DCAF6: variants seen among roughly 807,000 people sequenced by gnomAD.
The protein encoded by DCAF6 is DDB1 and CUL4 associated factor 6.
A neutral mutation model predicts 125.1 loss-of-function variants in DCAF6; 54 were observed. The ratio of observed to expected loss-of-function variants is 0.43; its 90% CI spans 0.35 to 0.54. The LOEUF (loss-of-function observed/expected upper bound fraction) is 0.54. Among genes scored for constraint, DCAF6 ranks in the 20% least tolerant of loss-of-function variants. The pLI, the probability that DCAF6 is intolerant of heterozygous loss-of-function variation, is 0.01. For missense variants in DCAF6, 934 were observed against 1,161.7 expected (o/e 0.80, Z 2.85); for synonymous variants, 371 against 390.4 (o/e 0.95, Z 0.58).
the DCAF6 span, among the ~76,000 whole-genome samples, chr1:167,916,509 G>T: frequency 0.016 from 2,442 of 152,222 alleles, 55 homozygotes; most frequent in African/African-American, 0.052. Flanking sequence ...ACCTGGCCAA[G>T]ATTTAATTTT....
At chr1:168,042,402 C>T (rs930601571) in intron 13 of DCAF6, among the ~76,000 whole-genome samples, 3 of 151,896 alleles carry the variant, frequency 2.0e-5, no homozygotes, top group Admixed American at 6.6e-5. Context: ...AAATTGGCCT[C>T]GTATTCCGCT....
intron 21 of DCAF6, among the ~76,000 whole-genome samples, chr1:168,070,916 A>G (rs1399226885): frequency 6.6e-6 from 1 of 152,142 alleles, no homozygotes; most frequent in Non-Finnish European, 1.5e-5. Context: ...ACCCTGCATT[A>G]TCTCTTGACA....
At chr1:167,932,823 A>AAAAG (rs1553201575), upstream of DCAF6, among the ~76,000 whole-genome samples, 674 of 150,690 alleles carry the variant, frequency 4.5e-3, 6 homozygotes, top group African/African-American at 0.016. Flanking sequence ...AAAAAAAAAA[A>AAAAG]AAAAGAAAAG....
chr1:167,866,104 T>TC, the DCAF6 span, among the ~76,000 whole-genome samples: 1 of 152,184 alleles, frequency 6.6e-6, no homozygotes. Flanking sequence ...CCCTTGTTCA[T>TC]CCCCAAGCGG....
chr1:167,929,356 T>C, the DCAF6 span, among the ~76,000 whole-genome samples: 1 of 151,500 alleles, frequency 6.6e-6, no homozygotes, highest in African/African-American at 2.4e-5. Context: ...CGAAACTCCG[T>C]CTCGAAAAAA....
At chr1:168,036,085 A>G (rs1025483626) in intron 12 of DCAF6, among the ~76,000 whole-genome samples, 1 of 152,122 alleles carries the variant, frequency 6.6e-6, no homozygotes, top group Non-Finnish European at 1.5e-5. Context: ...ACAAAACAAA[A>G]CAAAAAAACT....
chr1:167,952,065 A>T (rs1674036377), intron 2 of DCAF6, among the ~76,000 whole-genome samples: 1 of 152,236 alleles, frequency 6.6e-6, no homozygotes, highest in Non-Finnish European at 1.5e-5. Flanking sequence ...TTCTAATATT[A>T]TCGAAAGGCT....
rs1292400934 is a variant in DCAF6, at chr1:167,967,100, T to A, written c.252+379T>A. ...TATCTTAACATTCTAAAAAGTTACT[T>A]ATTTTAATGTTAAGAATAGTGTGGG... On this transcript the variant is annotated intron_variant, in intron 3 of 21. Transcript: ENST00000367840. Among the ~76,000 whole-genome samples the A allele has an allele frequency of 2.0e-5, 3 of 152,198 alleles. No individual in the cohort carries two copies. In the East Asian group the frequency reaches 5.8e-4, roughly 29 times the overall value.
chr1:167,931,409 C>T (rs150772681), upstream of DCAF6, among the ~76,000 whole-genome samples: 254 of 152,210 alleles, frequency 1.7e-3, no homozygotes, highest in Admixed American at 4.3e-3. Context: ...TTCTATTTTT[C>T]ACCAATATTT....
chr1:168,048,791 A>C lies in DCAF6; in HGVS notation c.2259-2101A>C, dbSNP rs190698207. Reference sequence around the variant, plus strand: ...ATGGAGACCATTATGGTAGGTACTTATATGACCATTTAAAATATTAACATT... The same window carrying C: ...ATGGAGACCATTATGGTAGGTACTTCTATGACCATTTAAAATATTAACATT... On this transcript the variant is annotated intron_variant, in intron 16 of 21. Transcript: ENST00000367840. Among the ~76,000 whole-genome samples, 193 of 152,356 alleles carry C rather than the reference A, an allele frequency of 1.3e-3. 2 individuals are homozygous for C. The highest frequency in any genetic ancestry group is 3.4e-3 in the Middle Eastern group (1 of 294).
intron 2 of DCAF6, 54 bp from the exon 3 acceptor site, chr1:167,966,575 C>T (rs1676454968): frequency 8.8e-7 from 1 of 1,130,544 alleles, no homozygotes; most frequent in African/African-American, 1.5e-5. Context: ...TGAAAGATGG[C>T]ATATTTTCTT....
At chr1:168,024,385 G>T (rs189386007) in intron 12 of DCAF6, among the ~76,000 whole-genome samples, 17 of 152,264 alleles carry the variant, frequency 1.1e-4, no homozygotes, top group African/African-American at 3.9e-4. Flanking sequence ...TAGTAATGCA[G>T]AAATTAAATA....
chr1:168,056,184 C>T (rs1690744151), intron 17 of DCAF6: 1 of 1,609,502 alleles, frequency 6.2e-7, no homozygotes, highest in Middle Eastern at 1.7e-4. Flanking sequence ...AACAACATCT[C>T]CCAACGCTTC....
Position 167,966,639 on chromosome 1 carries a change from T to C in DCAF6, c.170T>C (p.Ile57Thr). The stretch of plus-strand genomic sequence containing the variant: ...TTGCTTTCTCTTTAGGTTAATACAA[T>C]CTGTTGGAATGACACTGGAGAATAT... Reference protein sequence around the residue: ...LNVHDGCVNTICWNDTGEYIL... With the variant: ...LNVHDGCVNTTCWNDTGEYIL... The change falls in exon 3 of 22, where the codon ATC becomes ACC. Residue 57 changes from isoleucine (I) to threonine (T), a missense_variant. By Grantham distance (89) the Ile-to-Thr change is moderately conservative (BLOSUM62 -1). Transcript: ENST00000367840. 2 of 1,591,278 alleles carry C rather than the reference T, an allele frequency of 1.3e-6. No individual in the cohort carries two copies. Among genetic ancestry groups the C allele is most frequent in the Non-Finnish European group, 1.7e-6 (2 of 1,162,222 alleles).
the DCAF6 span, chr1:167,880,435 TA>T: frequency 5.5e-6 from 7 of 1,272,284 alleles, no homozygotes; most frequent in Admixed American, 1.2e-4. Context: ...ATGCCCTCCC[TA>T]CTTATGCCTC....
chr1:167,980,916 C>CTTTT (rs71100920), intron 4 of DCAF6, among the ~76,000 whole-genome samples: 9 of 113,596 alleles, frequency 7.9e-5, no homozygotes, highest in South Asian at 2.8e-4. Context: ...TCTGAATTTT[C>CTTTT]TTTTTTTTTT....
intron 17 of DCAF6, among the ~76,000 whole-genome samples, chr1:168,056,656 G>A (rs533587832): frequency 5.0e-4 from 76 of 152,326 alleles, no homozygotes; most frequent in African/African-American, 1.7e-3. Context: ...ATACCTCTTT[G>A]TGAGATTCAC....
the DCAF6 span, chr1:167,896,639 T>C: frequency 6.2e-7 from 1 of 1,613,836 alleles, no homozygotes; most frequent in Non-Finnish European, 8.5e-7. Context: ...GGTCGTACAC[T>C]TTGTGAAAAA....
chr1:167,874,687 C>T, the DCAF6 span, among the ~76,000 whole-genome samples: 1 of 152,120 alleles, frequency 6.6e-6, no homozygotes, highest in African/African-American at 2.4e-5. Context: ...CAATATTATT[C>T]ATAAGAACCA....
Sources: allele counts gnomAD v4.1 joint callset (sites outside exome capture counted in the v4.1 genomes callset), GRCh38; gene constraint gnomAD v4.1.1; transcripts MANE v1.5; gene names NCBI Gene and HGNC (gene_info 2026-07-23, HGNC 2026-07-21).